The following DPH6 variants were observed in gnomAD, a reference collection of about 807,000 sequenced individuals.
DPH6 encodes the protein diphthine--ammonia ligase.
Under a neutral mutation model 38.2 loss-of-function variants are expected in DPH6, and 33 were observed. That is an observed-to-expected ratio of 0.86 (90% CI 0.65 to 1.15). DPH6 has a LOEUF of 1.15. Among genes scored for constraint, DPH6 ranks in the 50% most tolerant of loss-of-function variants. The pLI, the probability that DPH6 is intolerant of heterozygous loss-of-function variation, is 0.00. For missense variants in DPH6, 325 were observed against 320.0 expected (o/e 1.02, Z -0.12); for synonymous variants, 108 against 103.0 (o/e 1.05, Z -0.30).
At chr15:35,397,432 G>C (rs1184002677) in intron 6 of DPH6, among the ~76,000 whole-genome samples, 1 of 152,154 alleles carries the variant, frequency 6.6e-6, no homozygotes, top group Non-Finnish European at 1.5e-5. Flanking sequence ...TTGAACCTAT[G>C]CATCTACTTC....
intron 5 of DPH6, among the ~76,000 whole-genome samples, chr15:35,428,025 T>G (rs1245660219): frequency 6.6e-6 from 1 of 151,874 alleles, no homozygotes; most frequent in African/African-American, 2.4e-5. Flanking sequence ...AGAAGGAAAG[T>G]AGACCAGGAG....
At chr15:35,236,676 G>A (rs1245516785) in intron 3 of DPH6, among the ~76,000 whole-genome samples, 2 of 151,790 alleles carry the variant, frequency 1.3e-5, no homozygotes, top group East Asian at 3.9e-4. Context: ...AACTTCAAGT[G>A]TTATTGGTAA....
At chr15:35,458,852 C>T (rs1335427191) in intron 3 of DPH6, among the ~76,000 whole-genome samples, 2 of 152,180 alleles carry the variant, frequency 1.3e-5, no homozygotes, top group African/African-American at 2.4e-5. Flanking sequence ...TGGATCAAAA[C>T]CAGTGAAACT....
At chr15:35,191,422 TA>T in the DPH6 span, among the ~76,000 whole-genome samples, 2 of 152,200 alleles carry the variant, frequency 1.3e-5, no homozygotes, top group Non-Finnish European at 2.9e-5. Flanking sequence ...CTGTTTCAGA[TA>T]TCATGCTTGT....
chr15:35,436,479 AAAAAC>A (rs1294836329), intron 5 of DPH6, among the ~76,000 whole-genome samples: 2 of 81,814 alleles, frequency 2.4e-5, no homozygotes, highest in African/African-American at 1.5e-4. Flanking sequence ...CAAAACAAAC[AAAAAC>A]AAAACAAAAC....
intron 3 of DPH6, among the ~76,000 whole-genome samples, chr15:35,238,809 T>C (rs1227602562): frequency 1.3e-5 from 2 of 151,770 alleles, no homozygotes; most frequent in Admixed American, 6.6e-5. Flanking sequence ...TGATTAACCC[T>C]GTGAATTTCC....
At chr15:35,396,321 C>A (rs1226085095) in intron 6 of DPH6, 2 of 152,180 alleles carry the variant, frequency 1.3e-5, no homozygotes, top group Non-Finnish European at 2.9e-5. Context: ...TCCACGCTGG[C>A]AGAAACTAAC....
At chr15:35,410,403 G>T (rs1241139311) in intron 6 of DPH6, among the ~76,000 whole-genome samples, 1 of 151,486 alleles carries the variant, frequency 6.6e-6, no homozygotes, top group Non-Finnish European at 1.5e-5. Context: ...TGAAATCTTG[G>T]GATAACTTTT....
intron 3 of DPH6, among the ~76,000 whole-genome samples, chr15:35,290,808 C>CT (rs556815981): frequency 4.1e-4 from 60 of 145,882 alleles, no homozygotes; most frequent in African/African-American, 8.5e-4. Context: ...TTGTGTGATA[C>CT]TTTTTTTTTT....
At chr15:35,326,039 C>T (rs984537709), downstream of DPH6, among the ~76,000 whole-genome samples, 12 of 151,924 alleles carry the variant, frequency 7.9e-5, no homozygotes, top group African/African-American at 2.7e-4. Context: ...TTTTAAAAAC[C>T]CGACAGTACC....
intron 3 of DPH6, among the ~76,000 whole-genome samples, chr15:35,351,655 T>A (rs1345658249): frequency 6.6e-6 from 1 of 152,102 alleles, no homozygotes; most frequent in Non-Finnish European, 1.5e-5. Flanking sequence ...TGATCTTAGA[T>A]TACAGAAGTT....
chr15:35,435,529 G>A (rs573485477), intron 5 of DPH6, among the ~76,000 whole-genome samples: 35 of 152,184 alleles, frequency 2.3e-4, no homozygotes, highest in African/African-American at 7.0e-4. Context: ...CTTATGCAGG[G>A]GGAGGAGTCA....
the DPH6 span, among the ~76,000 whole-genome samples, chr15:35,156,163 T>C: frequency 3.9e-5 from 6 of 152,198 alleles, no homozygotes; most frequent in Non-Finnish European, 8.8e-5. Flanking sequence ...TATATGTAGT[T>C]ACAATTATAA....
intron 3 of DPH6, among the ~76,000 whole-genome samples, chr15:35,479,111 C>T (rs1308121691): frequency 6.6e-6 from 1 of 152,028 alleles, no homozygotes; most frequent in Non-Finnish European, 1.5e-5. Context: ...TCTTTATATT[C>T]TTCTCTTCTA....
intron 6 of DPH6, chr15:35,401,680 G>A (rs2053221693): frequency 2.7e-6 from 2 of 745,616 alleles, no homozygotes; most frequent in Non-Finnish European, 4.9e-6. Flanking sequence ...TATGGTGTTG[G>A]AGGCCAATAC....
chr15:35,464,274 T>C lies in DPH6; in HGVS notation c.313-9454A>G, dbSNP rs543548794. Among the ~76,000 whole-genome samples, 15 of 145,358 alleles carry C rather than the reference T, an allele frequency of 1.0e-4. No individual in the cohort carries two copies. In the East Asian group the frequency reaches 1.8e-3, roughly 17 times the overall value. Reference sequence around the variant, plus strand: ...GTGCTACAGTACTCCAGCCTGGCAATAGGGCAAGACTTTGTCTCAAAAAAA... The same window carrying C: ...GTGCTACAGTACTCCAGCCTGGCAACAGGGCAAGACTTTGTCTCAAAAAAA... On this transcript the variant is annotated intron_variant, in intron 3 of 8. Transcript: ENST00000256538.
At chr15:35,350,966 T>C (rs1252722396) in intron 3 of DPH6, among the ~76,000 whole-genome samples, 2 of 152,170 alleles carry the variant, frequency 1.3e-5, no homozygotes, top group African/African-American at 4.8e-5. Flanking sequence ...GTTGTTCAAG[T>C]CTTCTGTTTC....
At chr15:35,283,152 CT>C (rs2051913025) in intron 3 of DPH6, among the ~76,000 whole-genome samples, 1 of 150,136 alleles carries the variant, frequency 6.7e-6, no homozygotes, top group African/African-American at 2.5e-5. Context: ...TCCTCTTCCT[CT>C]TTTCCCTCCC....
exon 4 of DPH6, chr15:35,220,077 A>T (rs551207196): frequency 6.6e-6 from 1 of 152,364 alleles, no homozygotes; most frequent in African/African-American, 2.4e-5. Flanking sequence ...TGTCAAACAC[A>T]AAGCAGAGTA....
Sources: allele counts gnomAD v4.1 joint callset (sites outside exome capture counted in the v4.1 genomes callset), GRCh38; gene constraint gnomAD v4.1.1; transcripts MANE v1.5; gene names NCBI Gene and HGNC (gene_info 2026-07-23, HGNC 2026-07-21).